The following ICE2 variants were observed in gnomAD, a reference collection of about 807,000 sequenced individuals.
The protein encoded by ICE2 is interactor of little elongation complex ELL subunit 2.
Under a neutral mutation model 105.4 loss-of-function variants are expected in ICE2, and 87 were observed. The ratio of observed to expected loss-of-function variants is 0.83; its 90% CI spans 0.69 to 0.99. The LOEUF is 0.99. Among genes scored for constraint, ICE2 ranks in the 50% least tolerant of loss-of-function variants. The pLI is 0.00. For synonymous variants in ICE2, 399 were observed against 392.0 expected (o/e 1.02, Z -0.21); for missense variants, 1,323 against 1,146.7 (o/e 1.15, Z -2.22).
intron 6 of ICE2, among the ~76,000 whole-genome samples, chr15:60,456,025 A>G (rs2064100772): frequency 6.6e-6 from 1 of 151,974 alleles, no homozygotes; most frequent in African/African-American, 2.4e-5. Flanking sequence ...CCACACACTT[A>G]TTTCCAATAT....
chr15:60,463,058 T>C (rs1655573916), intron 5 of ICE2, among the ~76,000 whole-genome samples: 1 of 152,190 alleles, frequency 6.6e-6, no homozygotes, highest in African/African-American at 2.4e-5. Context: ...ATAGGCTTTG[T>C]GTTAGATGAT....
At chr15:60,474,294 T>G (rs182853499) in intron 3 of ICE2, among the ~76,000 whole-genome samples, 375 of 152,214 alleles carry the variant, frequency 2.5e-3, no homozygotes, top group Non-Finnish European at 2.1e-3. Context: ...TTAATGCTTT[T>G]TAATGGCAAT....
chr15:60,465,202 C>A (rs1000054552), intron 5 of ICE2, among the ~76,000 whole-genome samples: 3 of 150,684 alleles, frequency 2.0e-5, no homozygotes, highest in African/African-American at 7.3e-5. Flanking sequence ...TTTTTCCTTC[C>A]TTTTTCTGAG....
chr15:60,434,815 TC>T (rs2141011773), intron 13 of ICE2, among the ~76,000 whole-genome samples: 1 of 152,308 alleles, frequency 6.6e-6, no homozygotes, highest in Admixed American at 6.5e-5. Flanking sequence ...AGGTATAACT[TC>T]TAGTATTCAA....
At chr15:60,466,749 A>G in intron 4 of ICE2, 36 bp from the exon 5 acceptor site, 1 of 1,522,514 alleles carries the variant, frequency 6.6e-7, no homozygotes, top group Non-Finnish European at 8.9e-7. Context: ...CTTGGGATAA[A>G]AAGTTTCATT....
At chr15:60,459,452 A>C (rs2064213520) in intron 5 of ICE2, among the ~76,000 whole-genome samples, 1 of 152,232 alleles carries the variant, frequency 6.6e-6, no homozygotes, top group African/African-American at 2.4e-5. Flanking sequence ...GAGAGATAAA[A>C]GATTTCCAAA....
chr15:60,462,395 A>G (rs1595804339), intron 5 of ICE2, among the ~76,000 whole-genome samples: 2 of 152,194 alleles, frequency 1.3e-5, no homozygotes, highest in Admixed American at 6.5e-5. Context: ...GAAAACTGCT[A>G]AGAGAGTAGA....
chr15:60,456,586 C>CAT lies in ICE2; in HGVS notation c.666+70_666+71insAT, dbSNP rs1447564889. 3.0e-3 allele frequency: 757 copies of CAT among 249,728 alleles called. 5 individuals carry two copies. Among genetic ancestry groups the CAT allele is most frequent in the African/African-American group, 0.021 (619 of 29,684 alleles). The allele number at this position is 249,728 out of a possible 1,614,324, so 15.5% of individuals were successfully genotyped here. On this transcript the variant is annotated intron_variant, in intron 6 of 15. Coordinates refer to ENST00000261520, the MANE Select transcript of ICE2 (RefSeq NM_024611.6). ...AAATAAATATATATATATATATATACACACACACACACACACACACACACT... is the reference window on the plus strand; with the variant it reads ...AAATAAATATATATATATATATATACATACACACACACACACACACACACACT...
chr15:60,428,284 CT>C, intron 15 of ICE2, 144 bp downstream of exon 15: 1 of 934,668 alleles, frequency 1.1e-6, no homozygotes, highest in Non-Finnish European at 1.6e-6. Context: ...TGGCATACAA[CT>C]TTATCCTTCC....
At chr15:60,432,175 A>C (rs1351911368) in intron 13 of ICE2, among the ~76,000 whole-genome samples, 191 bp from the exon 14 acceptor site, 1 of 149,550 alleles carries the variant, frequency 6.7e-6, no homozygotes, top group Non-Finnish European at 1.5e-5. Flanking sequence ...TTTTAAAAAA[A>C]ATTTCCTTTT....
At position 60,436,251 on chromosome 15, in the gene ICE2, A is replaced by G. The variant is rs778750910; in HGVS notation, c.2426-24T>C. ...CCCTAAAATAAAATATCAAACTTAG[A>G]AAGAAGAAGCAATTGCAGTATTTAG... is the stretch of plus-strand genomic sequence containing the variant. On this transcript the variant is annotated intron_variant, in intron 12 of 15. Transcript: ENST00000261520. The G allele has an allele frequency of 3.0e-6, 3 of 1,009,936 alleles. No homozygotes were observed. In the African/African-American group the frequency reaches 5.0e-5, roughly 17 times the overall value. 62.6% of individuals were successfully genotyped at this position (1,009,936 alleles called of 1,614,324 possible). A position where few individuals can be genotyped will look rare whatever the true frequency, so the allele number is the denominator to read the frequency against.
Position 60,468,102 on chromosome 15 carries a change from T to G in ICE2, c.367A>C (p.Lys123Gln). The G allele has an allele frequency of 6.2e-7, 1 of 1,613,886 alleles. No homozygotes were observed. Among genetic ancestry groups the G allele is most frequent in the South Asian group, 1.1e-5 (1 of 90,998 alleles). Residue 123 changes from lysine (K) to glutamine (Q), a missense_variant, in exon 4 of 16, where the codon AAA becomes CAA. By Grantham distance (53) the Lys-to-Gln change is moderately conservative. Coordinates refer to ENST00000261520, the MANE Select transcript of ICE2 (RefSeq NM_024611.6). ...TCATTTTTATTTATTCCAACAGCTT[T>G]GGAATTTGCAGGAATCTTTGCGTAT... ...VKYAKIPANSKAVGINKNDYL... is the reference protein window; with the variant it reads ...VKYAKIPANSQAVGINKNDYL...
chr15:60,469,493 C>G (rs1474543799), intron 3 of ICE2, among the ~76,000 whole-genome samples: 1 of 152,070 alleles, frequency 6.6e-6, no homozygotes, highest in African/African-American at 2.4e-5. Flanking sequence ...ATAATAAGAG[C>G]TAGTGAAGGC....
At chr15:60,448,819 C>G in intron 10 of ICE2, 29 bp downstream of exon 10, 1 of 1,543,586 alleles carries the variant, frequency 6.5e-7, no homozygotes, top group East Asian at 2.3e-5. Context: ...AAGTAAAACA[C>G]TGTAAGCTCT....
At position 60,423,549 on chromosome 15, in the gene ICE2, CCTA is replaced by C. The variant is rs1486887282; in HGVS notation, c.*82_*84del. 1.8e-5 allele frequency: 24 copies of C among 1,305,120 alleles called. No individual in the cohort carries two copies. The East Asian group carries it at 6.6e-4, about 36-fold the overall frequency. The allele number at this position is 1,305,120 out of a possible 1,614,324, so 80.8% of individuals were successfully genotyped here. A position where few individuals can be genotyped will look rare whatever the true frequency, so the allele number is the denominator to read the frequency against. On this transcript the variant is annotated 3_prime_UTR_variant, in exon 16 of 16. Transcript: ENST00000261520. ...TACTACAGGAAAAATGTTCCTCTTG[CCTA>C]CTGATTATTTTCCCTCAAACTTATC...
At chr15:60,450,713 G>A (rs943854919) in intron 9 of ICE2, among the ~76,000 whole-genome samples, 1 of 152,164 alleles carries the variant, frequency 6.6e-6, no homozygotes, top group South Asian at 2.1e-4. Flanking sequence ...AACCTCAACG[G>A]CCTCATCTCT....
chr15:60,479,062 C>G lies in ICE2; in HGVS notation c.-152G>C. ...GCCACACACCACACACGCTCCACCC[C>G]ACTCCTCACATTGTCGCGCGCGCCC... On this transcript the variant is annotated 5_prime_UTR_variant, in exon 1 of 16. Transcript: ENST00000261520. 6.6e-6 allele frequency: 3 copies of G among 453,960 alleles called. No individual in the cohort carries two copies. The highest frequency in any genetic ancestry group is 2.4e-5 in the Admixed American group (1 of 42,490). The allele number at this position is 453,960 out of a possible 1,614,324, so 28.1% of individuals were successfully genotyped here. A position where few individuals can be genotyped will look rare whatever the true frequency, so the allele number is the denominator to read the frequency against.
chr15:60,442,395 A>G (rs1482060422), intron 12 of ICE2, 21 bp downstream of exon 12: 3 of 1,572,098 alleles, frequency 1.9e-6, no homozygotes, highest in Non-Finnish European at 2.6e-6. Flanking sequence ...AAAGGAGAAT[A>G]AAGACTTTTG....
At position 60,459,105 on chromosome 15, in the gene ICE2, A is replaced by C. The variant is rs115414382; in HGVS notation, c.529-2311T>G. Among the ~76,000 whole-genome samples, 1,175 of 152,304 alleles carry C rather than the reference A, an allele frequency of 7.7e-3. 11 individuals carry two copies. Among genetic ancestry groups the C allele is most frequent in the African/African-American group, 0.027 (1,138 of 41,564 alleles). ...GTACACTTAAATGGTGAAAACGGTA[A>C]ATTTTGTTATGTATACTTTACCAAA... is the stretch of plus-strand genomic sequence containing the variant. On this transcript the variant is annotated intron_variant, in intron 5 of 15. Transcript: ENST00000261520.
Sources: gnomAD v4.1 joint callset for allele counts (sites outside exome capture counted in the v4.1 genomes callset) on GRCh38, gnomAD v4.1.1 for gene constraint, MANE v1.5 for transcripts, NCBI Gene and HGNC (gene_info 2026-07-23, HGNC 2026-07-21) for gene names.